The following PPM1H variants were observed in gnomAD, a reference collection of about 807,000 sequenced individuals.
The protein encoded by PPM1H is protein phosphatase, Mg2+/Mn2+ dependent 1H.
A neutral mutation model predicts 54.9 loss-of-function variants in PPM1H; 27 were observed. That is an observed-to-expected ratio of 0.49 (90% CI 0.36 to 0.68). The LOEUF (loss-of-function observed/expected upper bound fraction) is 0.68, where lower values mean the gene tolerates loss of function less well. Ranked by LOEUF, PPM1H falls within the 30% of genes least tolerant of loss-of-function variation. The probability of loss-of-function intolerance (pLI) is 0.00; values close to 1 mark genes in which losing one functional copy is unlikely to be tolerated. For synonymous variants in PPM1H, 305 were observed against 270.8 expected, an observed-to-expected ratio of 1.13 and a Z score of -1.24; for missense variants, 596 against 667.8, an observed-to-expected ratio of 0.89 and a Z score of 1.19.
intron 4 of PPM1H, among the ~76,000 whole-genome samples, chr12:62,763,180 A>C (rs1245001825): frequency 6.6e-6 from 1 of 152,130 alleles, no homozygotes; most frequent in Non-Finnish European, 1.5e-5. Context: ...AATCCATCCA[A>C]GGTCATCTCT....
At chr12:62,929,696 T>A (rs1303494777) in intron 1 of PPM1H, among the ~76,000 whole-genome samples, 1 of 152,050 alleles carries the variant, frequency 6.6e-6, no homozygotes, top group African/African-American at 2.4e-5. Context: ...AAAAGAGACA[T>A]CCCCAGGAGC....
intron 2 of PPM1H, among the ~76,000 whole-genome samples, chr12:62,807,148 G>C (rs1447220362): frequency 6.6e-6 from 1 of 152,210 alleles, no homozygotes; most frequent in African/African-American, 2.4e-5. Context: ...TGAGGAGCAA[G>C]ATGAGGGTGG....
At chr12:62,658,987 C>A in intron 9 of PPM1H, 1 of 720,274 alleles carries the variant, frequency 1.4e-6, no homozygotes, top group Non-Finnish European at 2.6e-6. Context: ...TCTTGATGCC[C>A]AACATTGGTT....
In PPM1H at chr12:62,667,332, GA is replaced by G. The variant is rs755572613; in HGVS notation, c.1246-4del. 1.5e-5 allele frequency: 24 copies of G among 1,561,780 alleles called. No homozygotes were observed. The highest frequency in any genetic ancestry group is 5.9e-5 in the Admixed American group (3 of 50,820). On this transcript the variant is annotated splice_region_variant and splice_polypyrimidine_tract_variant and intron_variant, in intron 8 of 9. Coordinates refer to ENST00000228705, the MANE Select transcript of PPM1H (RefSeq NM_020700.2). ...TTTGAAAGATCGTAGATTCTTACCT[GA>G]AAAAAAACAAGAATACTACCACTTA... is the stretch of plus-strand genomic sequence containing the variant.
intron 1 of PPM1H, among the ~76,000 whole-genome samples, chr12:62,870,097 G>T (rs977364328): frequency 6.6e-6 from 1 of 152,162 alleles, no homozygotes; most frequent in African/African-American, 2.4e-5. Context: ...GCAGAAGGGA[G>T]GGTAGGACAT....
chr12:62,783,407 A>T (rs1013780664), intron 4 of PPM1H, among the ~76,000 whole-genome samples: 1 of 152,216 alleles, frequency 6.6e-6, no homozygotes, highest in South Asian at 2.1e-4. Flanking sequence ...GTTAATTAGA[A>T]CTTCTTTATT....
At chr12:62,887,225 G>T (rs775494992) in intron 1 of PPM1H, among the ~76,000 whole-genome samples, 1 of 152,230 alleles carries the variant, frequency 6.6e-6, no homozygotes, top group Admixed American at 6.5e-5. Flanking sequence ...GGTAAGAGAA[G>T]TGGTCACAGA....
chr12:62,803,879 C>G (rs144023056), intron 2 of PPM1H, among the ~76,000 whole-genome samples: 1 of 151,892 alleles, frequency 6.6e-6, no homozygotes, highest in South Asian at 2.1e-4. Context: ...ACAAGCAAGC[C>G]GATGAAAAAA....
At chr12:62,733,053 A>G (rs1210372315) in intron 5 of PPM1H, among the ~76,000 whole-genome samples, 1 of 152,176 alleles carries the variant, frequency 6.6e-6, no homozygotes, top group Non-Finnish European at 1.5e-5. Flanking sequence ...TTATATTACC[A>G]TGCAGTTACT....
rs2075799285 is a variant in PPM1H, at chr12:62,648,585, C to T, written c.1449G>A (p.Lys483=). 1 of 1,613,852 alleles carries T rather than the reference C, an allele frequency of 6.2e-7. No homozygotes were observed. The highest frequency in any genetic ancestry group is 8.5e-7 in the Non-Finnish European group (1 of 1,179,896). The part of the protein sequence containing the change: ...DLVMRARGVL[K]DRGWRISNDR... ...CATTAGATATCCGCCATCCTCTGTCCTTCAGCACACCCCGGGCACGCATCA... is the reference window on the plus strand; with the variant it reads ...CATTAGATATCCGCCATCCTCTGTCTTTCAGCACACCCCGGGCACGCATCA... The change falls in exon 10 of 10, where the codon AAG becomes AAA. Residue 483 remains lysine, a synonymous_variant. Coordinates refer to ENST00000228705, the MANE Select transcript of PPM1H (RefSeq NM_020700.2).
At chr12:62,743,410 A>G (rs575172979) in intron 4 of PPM1H, among the ~76,000 whole-genome samples, 2 of 152,222 alleles carry the variant, frequency 1.3e-5, no homozygotes, top group South Asian at 4.2e-4. Context: ...ACATGAGAGG[A>G]TAAAGGTAAT....
intron 1 of PPM1H, among the ~76,000 whole-genome samples, chr12:62,875,324 G>A (rs77579795): frequency 6.6e-6 from 1 of 152,310 alleles, no homozygotes; most frequent in South Asian, 2.1e-4. Flanking sequence ...CAGAAGAAAA[G>A]TGAGTGTTGC....
rs377044320 is a variant in PPM1H, at chr12:62,801,876, C to T, written c.696G>A (p.Glu232=). 78 of 1,613,818 alleles carry T rather than the reference C, an allele frequency of 4.8e-5. No homozygotes were observed. Among genetic ancestry groups the T allele is most frequent in the Non-Finnish European group, 6.4e-5 (76 of 1,179,818 alleles). The change falls in exon 3 of 10, where the codon GAG becomes GAA. Residue 232 remains glutamate, a synonymous_variant. Coordinates refer to ENST00000228705, the MANE Select transcript of PPM1H (RefSeq NM_020700.2). The part of the protein sequence containing the change: ...PSTPPTRFFT[E]KKIPHECLVI... Reference sequence around the variant, plus strand: ...CCAGGCACTCATGGGGAATCTTCTTCTCGGTAAAGAAGCGTGTGGGGGGCG... The same window carrying T: ...CCAGGCACTCATGGGGAATCTTCTTTTCGGTAAAGAAGCGTGTGGGGGGCG...
chr12:62,893,370 T>C (rs1047402043), intron 1 of PPM1H, among the ~76,000 whole-genome samples: 1 of 152,222 alleles, frequency 6.6e-6, no homozygotes, highest in African/African-American at 2.4e-5. Context: ...TGGTCTTCCC[T>C]GTCTGCATGT....
intron 2 of PPM1H, among the ~76,000 whole-genome samples, chr12:62,803,880 G>A (rs1368367410): frequency 6.6e-6 from 1 of 152,118 alleles, no homozygotes; most frequent in East Asian, 1.9e-4. Flanking sequence ...CAAGCAAGCC[G>A]ATGAAAAAAT....
chr12:62,719,562 C>A (rs939566070), intron 6 of PPM1H, among the ~76,000 whole-genome samples: 3 of 152,174 alleles, frequency 2.0e-5, no homozygotes, highest in African/African-American at 7.2e-5. Flanking sequence ...ACTGCTCCAT[C>A]CTAGAAATGT....
rs79334292 is a variant in PPM1H, at chr12:62,817,848, C to T, written c.411+14266G>A. Reference sequence around the variant, plus strand: ...GCCTGGAGTTCCCACAGTGCTGCCCCGTCCTCTGCTGAGAAAGATAATCAG... The same window carrying T: ...GCCTGGAGTTCCCACAGTGCTGCCCTGTCCTCTGCTGAGAAAGATAATCAG... On this transcript the variant is annotated intron_variant, in intron 2 of 9. Transcript: ENST00000228705. Among the ~76,000 whole-genome samples the T allele has an allele frequency of 4.2e-3, 646 of 152,292 alleles. 6 individuals carry two copies. The highest frequency in any genetic ancestry group is 0.015 in the African/African-American group (622 of 41,566).
At chr12:62,893,284 A>G (rs1870864866) in intron 1 of PPM1H, among the ~76,000 whole-genome samples, 1 of 152,148 alleles carries the variant, frequency 6.6e-6, no homozygotes, top group Admixed American at 6.6e-5. Flanking sequence ...TTGTACCTTC[A>G]CAGTTCTGGA....
At chr12:62,773,682 A>G (rs1318298391) in intron 4 of PPM1H, among the ~76,000 whole-genome samples, 2 of 152,106 alleles carry the variant, frequency 1.3e-5, no homozygotes, top group Non-Finnish European at 2.9e-5. Context: ...TTAACATCCA[A>G]GTGGCAGACA....
Sources: gnomAD v4.1 joint callset for allele counts (sites outside exome capture counted in the v4.1 genomes callset) on GRCh38, gnomAD v4.1.1 for gene constraint, MANE v1.5 for transcripts, NCBI Gene and HGNC (gene_info 2026-07-23, HGNC 2026-07-21) for gene names.